Variants in ADGRV1 observed in about 807,000 individuals in gnomAD.
ADGRV1 encodes G-protein coupled receptor 98.
ADGRV1 carries 359 observed loss-of-function variants against 596.2 expected under a neutral mutation model. That is an observed-to-expected ratio of 0.60 (90% CI 0.55 to 0.66). The LOEUF is 0.66. ADGRV1 is among the 30% of genes least tolerant of loss of function. ADGRV1 has a pLI of 0.00. For synonymous variants in ADGRV1, 2,681 were observed against 2,679.2 expected (o/e 1.00, Z -0.02); for missense variants, 7,274 against 7,575.6 (o/e 0.96, Z 1.48).
At chr5:91,032,749 A>G (rs1015017601) in intron 85 of ADGRV1, among the ~76,000 whole-genome samples, 5 of 152,132 alleles carry the variant, frequency 3.3e-5, no homozygotes, top group Admixed American at 3.3e-4. Flanking sequence ...TTTGAATTAT[A>G]TATTTTGAGG....
At chr5:90,657,571 T>C (rs1255278563) in intron 20 of ADGRV1, among the ~76,000 whole-genome samples, 1 of 152,172 alleles carries the variant, frequency 6.6e-6, no homozygotes, top group Admixed American at 6.5e-5. Context: ...CATACATGCA[T>C]ACGTGTGTAT....
chr5:90,725,232 G>A lies in ADGRV1; in HGVS notation c.10053G>A (p.Leu3351=). The change falls in exon 47 of 90, where the codon CTG becomes CTA. Residue 3351 remains leucine, a splice_region_variant and synonymous_variant. Coordinates refer to ENST00000405460, the MANE Select transcript of ADGRV1 (RefSeq NM_032119.4). ...FTFTSGFKLF[L]VQTIIILESS... is the part of the protein sequence containing the mutation. ...TCACATCTGGATTTAAATTATTCCTGGTAAAAACATTTTCATTTTTAAATA... is the reference window on the plus strand; with the variant it reads ...TCACATCTGGATTTAAATTATTCCTAGTAAAAACATTTTCATTTTTAAATA... The A allele has an allele frequency of 3.6e-6, 5 of 1,397,266 alleles. No individual in the cohort carries two copies. The highest frequency in any genetic ancestry group is 4.8e-6 in the Non-Finnish European group (5 of 1,046,846). The allele number at this position is 1,397,266 out of a possible 1,614,324, so 86.6% of individuals were successfully genotyped here.
intron 87 of ADGRV1, among the ~76,000 whole-genome samples, chr5:91,130,821 T>C (rs931070817): frequency 6.6e-6 from 1 of 152,192 alleles, no homozygotes; most frequent in African/African-American, 2.4e-5. Context: ...TCCCCATCCT[T>C]GTGTCCATGT....
chr5:90,714,628 T>G (rs966962489), intron 42 of ADGRV1, among the ~76,000 whole-genome samples: 2 of 152,076 alleles, frequency 1.3e-5, no homozygotes, highest in Admixed American at 6.6e-5. Flanking sequence ...TCATTGGTAG[T>G]GTGTGAGGCA....
chr5:91,091,272 C>A (rs1331559824), intron 86 of ADGRV1, among the ~76,000 whole-genome samples: 1 of 152,156 alleles, frequency 6.6e-6, no homozygotes, highest in Admixed American at 6.5e-5. Flanking sequence ...TTATCAAGCT[C>A]CTGCAGCCCA....
intron 1 of ADGRV1, among the ~76,000 whole-genome samples, chr5:90,592,409 T>G (rs911159692): frequency 3.3e-5 from 5 of 152,168 alleles, no homozygotes; most frequent in African/African-American, 1.2e-4. Context: ...GGAGCTAAGC[T>G]ATGAGGACGA....
intron 84 of ADGRV1, among the ~76,000 whole-genome samples, chr5:90,973,789 C>T (rs1779287943): frequency 6.6e-6 from 1 of 152,102 alleles, no homozygotes; most frequent in Non-Finnish European, 1.5e-5. Context: ...TGAAAAGTGG[C>T]ACAAGACAGG....
At chr5:90,829,499 A>G (rs548824841) in intron 77 of ADGRV1, among the ~76,000 whole-genome samples, 7 of 152,214 alleles carry the variant, frequency 4.6e-5, no homozygotes, top group Non-Finnish European at 8.8e-5. Context: ...GTAACTGTTG[A>G]AGGCCAGAAG....
In ADGRV1 at chr5:91,129,192, A is replaced by G. The variant is rs1170281378; in HGVS notation, c.18433-20838A>G. Among the ~76,000 whole-genome samples, 4 of 152,312 alleles carry G rather than the reference A, an allele frequency of 2.6e-5. No individual in the cohort carries two copies. The South Asian group carries it at 6.2e-4, about 24-fold the overall frequency. ...TGGTTAACATTTACTAGAGGTGTTC[A>G]TTCTTCTCTAACACATATGATTTTG... On this transcript the variant is annotated intron_variant, in intron 87 of 89. Coordinates refer to ENST00000405460, the MANE Select transcript of ADGRV1 (RefSeq NM_032119.4).
In ADGRV1 at chr5:91,152,593, C is replaced by A. The variant is rs138643217; in HGVS notation, c.18625-628C>A. Among the ~76,000 whole-genome samples, 1,201 of 152,258 alleles carry A rather than the reference C, an allele frequency of 7.9e-3. 41 individuals carry two copies. The highest frequency in any genetic ancestry group is 0.052 in the Admixed American group (793 of 15,296). Reference sequence around the variant, plus strand: ...GGTTTAGAATCACAGATTAAATTGTCTCAGGGAGAGACATAATTTTCTAAA... The same window carrying A: ...GGTTTAGAATCACAGATTAAATTGTATCAGGGAGAGACATAATTTTCTAAA... On this transcript the variant is annotated intron_variant, in intron 88 of 89. Coordinates refer to ENST00000405460, the MANE Select transcript of ADGRV1 (RefSeq NM_032119.4).
intron 83 of ADGRV1, among the ~76,000 whole-genome samples, chr5:90,931,556 A>G (rs1250131353): frequency 6.6e-6 from 1 of 152,200 alleles, no homozygotes; most frequent in Non-Finnish European, 1.5e-5. Flanking sequence ...TTCTACCTGG[A>G]AGTCAGCATA....
At position 91,164,263 on chromosome 5, in the gene ADGRV1, G is replaced by T; in HGVS notation, c.*363G>T. 1 of 325,204 alleles carries T rather than the reference G, an allele frequency of 3.1e-6. No homozygotes were observed. Among genetic ancestry groups the T allele is most frequent in the Non-Finnish European group, 6.0e-6 (1 of 165,672 alleles). The allele number at this position is 325,204 out of a possible 1,614,324, so 20.1% of individuals were successfully genotyped here. A position where few individuals can be genotyped will look rare whatever the true frequency, so the allele number is the denominator to read the frequency against. On this transcript the variant is annotated 3_prime_UTR_variant, in exon 90 of 90. Transcript: ENST00000405460. ...TATTGATAAAGAAACATTGTGCATG[G>T]GCAAAAAAAGCTAACTCTATATGTA... is the stretch of plus-strand genomic sequence containing the variant.
chr5:90,973,966 C>G (rs1477254162), intron 84 of ADGRV1, among the ~76,000 whole-genome samples: 2 of 152,042 alleles, frequency 1.3e-5, no homozygotes, highest in Non-Finnish European at 2.9e-5. Flanking sequence ...TTGTCTCAGC[C>G]CAAAATCTCA....
At chr5:91,161,721 T>C (rs1167923729) in intron 89 of ADGRV1, among the ~76,000 whole-genome samples, 6 of 152,202 alleles carry the variant, frequency 3.9e-5, no homozygotes, top group Non-Finnish European at 8.8e-5. Context: ...ATTAAATTTA[T>C]CATCAAAACC....
chr5:91,002,488 C>T (rs759538009), intron 85 of ADGRV1, among the ~76,000 whole-genome samples: 3 of 152,002 alleles, frequency 2.0e-5, no homozygotes, highest in Non-Finnish European at 4.4e-5. Flanking sequence ...ATTTCTTTTC[C>T]TCTTTTGTTA....
intron 83 of ADGRV1, among the ~76,000 whole-genome samples, chr5:90,904,012 G>A (rs911292155): frequency 6.6e-6 from 1 of 152,036 alleles, no homozygotes; most frequent in Non-Finnish European, 1.5e-5. Flanking sequence ...GGGAGAACAT[G>A]TGATCTTTGT....
chr5:90,776,718 G>C, intron 61 of ADGRV1, 142 bp downstream of exon 61: 1 of 916,050 alleles, frequency 1.1e-6, no homozygotes, highest in Non-Finnish European at 1.7e-6. Context: ...CTGTGGAGAG[G>C]AGAACAAATT....
At chr5:91,111,608 T>C (rs1203665263) in intron 87 of ADGRV1, among the ~76,000 whole-genome samples, 1 of 152,218 alleles carries the variant, frequency 6.6e-6, no homozygotes, top group Non-Finnish European at 1.5e-5. Flanking sequence ...AGAGGACTAA[T>C]TGTTTCAAGG....
intron 70 of ADGRV1, among the ~76,000 whole-genome samples, chr5:90,798,755 T>C (rs1333869350): frequency 6.6e-6 from 1 of 152,222 alleles, no homozygotes; most frequent in Non-Finnish European, 1.5e-5. Flanking sequence ...ATACCTGGGA[T>C]GCAAGGCTGG....
Sources: gnomAD v4.1 joint callset for allele counts (sites outside exome capture counted in the v4.1 genomes callset) on GRCh38, gnomAD v4.1.1 for gene constraint, MANE v1.5 for transcripts, NCBI Gene and HGNC (gene_info 2026-07-23, HGNC 2026-07-21) for gene names.